PAM: variants seen among roughly 807,000 people sequenced by gnomAD.
PAM encodes peptidylglycine alpha-amidating monooxygenase.
A neutral mutation model predicts 122.1 loss-of-function variants in PAM; 72 were observed. The observed-to-expected ratio is 0.59, with a 90% CI of 0.49 to 0.72. The LOEUF is 0.72. Among genes scored for constraint, PAM ranks in the 30% least tolerant of loss-of-function variants. The pLI is 0.00. For synonymous variants in PAM, 389 were observed against 404.4 expected (o/e 0.96, Z 0.46); for missense variants, 1,106 against 1,183.7 (o/e 0.93, Z 0.96).
At chr5:102,871,715 TATATAATACATTTATATATATTATATA>T (rs1408539702) in intron 3 of PAM, among the ~76,000 whole-genome samples, 42 of 147,046 alleles carry the variant, frequency 2.9e-4, no homozygotes, top group African/African-American at 1.0e-3. Context: ...ATATATATTA[TATATAATACATTTATATATATTATATA>T]TATATATGTA....
chr5:103,007,367 T>C (rs1779348513), intron 19 of PAM, 90 bp from the exon 20 acceptor site: 1 of 1,033,452 alleles, frequency 9.7e-7, no homozygotes. Context: ...CATTTAATGG[T>C]TTACTATCAT....
At chr5:102,779,910 T>C (rs1329045849) in intron 1 of PAM, among the ~76,000 whole-genome samples, 39 of 103,914 alleles carry the variant, frequency 3.8e-4, no homozygotes, top group African/African-American at 1.4e-3. Flanking sequence ...TATATATATA[T>C]ATATATATAC....
chr5:102,997,845 T>C (rs929981534), intron 16 of PAM, among the ~76,000 whole-genome samples: 1 of 152,202 alleles, frequency 6.6e-6, no homozygotes, highest in African/African-American at 2.4e-5. Flanking sequence ...ATGCCATTGA[T>C]AGAGGATGTT....
rs548235082 is a variant in PAM, at chr5:102,979,156, A to T, written c.1483+4720A>T. ...ATCTCAGGCTACAATTGTAATAACT[A>T]TAGGTATTATAGGTGTATTGGTCAT... On this transcript the variant is annotated intron_variant, in intron 15 of 25. Transcript: ENST00000438793. 5.9e-5 allele frequency among the ~76,000 whole-genome samples: 9 copies of T among 152,186 alleles called. No individual in the cohort carries two copies. In the East Asian group the frequency reaches 1.7e-3, roughly 29 times the overall value.
At chr5:102,925,392 G>T (rs1162810886) in intron 6 of PAM, among the ~76,000 whole-genome samples, 1 of 152,186 alleles carries the variant, frequency 6.6e-6, no homozygotes. Flanking sequence ...TTTCAGCAAA[G>T]AATTTTTTAC....
intron 4 of PAM, among the ~76,000 whole-genome samples, chr5:102,909,151 C>T (rs1307751048): frequency 6.6e-6 from 1 of 151,670 alleles, no homozygotes; most frequent in African/African-American, 2.4e-5. Context: ...TCCCAATTCT[C>T]TCAATATTAA....
intron 1 of PAM, among the ~76,000 whole-genome samples, chr5:102,834,113 T>C (rs537444439): frequency 1.5e-4 from 23 of 152,326 alleles, no homozygotes; most frequent in African/African-American, 5.3e-4. Context: ...TGTTGGAACT[T>C]GCCTGAATTT....
At chr5:103,010,412 A>C (rs1780258340) in intron 21 of PAM, among the ~76,000 whole-genome samples, 1 of 152,198 alleles carries the variant, frequency 6.6e-6, no homozygotes, top group Non-Finnish European at 1.5e-5. Flanking sequence ...CCCACTGTTT[A>C]TTCTAACGTG....
chr5:102,858,369 C>T (rs541427431), intron 1 of PAM, among the ~76,000 whole-genome samples: 5 of 152,174 alleles, frequency 3.3e-5, no homozygotes, highest in African/African-American at 1.2e-4. Flanking sequence ...TTTTGATTGC[C>T]ATAACTGAGG....
In PAM at chr5:102,955,040, T is replaced by G. The variant is rs111249172; in HGVS notation, c.905+4220T>G. Among the ~76,000 whole-genome samples, 908 of 152,262 alleles carry G rather than the reference T, an allele frequency of 6.0e-3. 6 individuals are homozygous for G. Among genetic ancestry groups the G allele is most frequent in the African/African-American group, 0.021 (867 of 41,572 alleles). The stretch of plus-strand genomic sequence containing the variant: ...CTTTTTAAGAAATGATTAACAGTTT[T>G]GTAAAATGACTTCTTTGAAGTTTTT... On this transcript the variant is annotated intron_variant, in intron 12 of 25. Transcript: ENST00000438793.
chr5:102,780,039 T>A (rs1222514924), intron 1 of PAM, among the ~76,000 whole-genome samples: 1 of 151,542 alleles, frequency 6.6e-6, no homozygotes, highest in East Asian at 1.9e-4. Context: ...AAATAATTTA[T>A]AAGTTTTTAA....
intron 3 of PAM, among the ~76,000 whole-genome samples, chr5:102,890,832 A>G (rs1441514380): frequency 6.6e-6 from 1 of 151,948 alleles, no homozygotes; most frequent in Non-Finnish European, 1.5e-5. Flanking sequence ...AACTTATGAC[A>G]GGTAAAAACA....
At chr5:102,820,397 CTG>C (rs1023722785) in intron 1 of PAM, among the ~76,000 whole-genome samples, 64 of 152,134 alleles carry the variant, frequency 4.2e-4, no homozygotes, top group African/African-American at 1.5e-3. Context: ...ATTTTTATAA[CTG>C]TTAGATTATG....
intron 1 of PAM, among the ~76,000 whole-genome samples, chr5:102,819,891 G>T (rs1348406326): frequency 6.6e-6 from 1 of 152,142 alleles, no homozygotes; most frequent in African/African-American, 2.4e-5. Flanking sequence ...ACTCCTCTCT[G>T]CTGAACACAT....
At chr5:102,817,907 C>T (rs1770414682) in intron 1 of PAM, among the ~76,000 whole-genome samples, 1 of 151,618 alleles carries the variant, frequency 6.6e-6, no homozygotes, top group African/African-American at 2.4e-5. Flanking sequence ...TTTAATTGCT[C>T]CTCCCCCTTC....
At chr5:102,963,265 C>G (rs901349004) in intron 14 of PAM, among the ~76,000 whole-genome samples, 2 of 151,932 alleles carry the variant, frequency 1.3e-5, no homozygotes, top group Non-Finnish European at 2.9e-5. Flanking sequence ...ATGTGATGCA[C>G]TAATGAGATT....
rs114211163 is a variant in PAM at position 102,763,090 on chromosome 5, A to G, written c.-374+7742A>G. ...AGTCATAACTACCTGGTGTCAGTAA[A>G]TTATTTGAACTAGTTCTTGTCTAGT... is the stretch of plus-strand genomic sequence containing the variant. On this transcript the variant is annotated intron_variant, in intron 1 of 25. Coordinates refer to ENST00000438793, the MANE Select transcript of PAM (RefSeq NM_001177306.2). 2.6e-5 allele frequency among the ~76,000 whole-genome samples: 4 copies of G among 152,308 alleles called. No individual in the cohort carries two copies. The South Asian group carries it at 6.2e-4, about 24-fold the overall frequency.
At chr5:102,782,344 C>T (rs2149880667) in intron 1 of PAM, among the ~76,000 whole-genome samples, 1 of 152,306 alleles carries the variant, frequency 6.6e-6, no homozygotes, top group East Asian at 1.9e-4. Flanking sequence ...TATACAAAGT[C>T]ATCTTCCTTG....
At chr5:102,928,635 T>A (rs1168495744) in intron 7 of PAM, among the ~76,000 whole-genome samples, 5 of 152,056 alleles carry the variant, frequency 3.3e-5, no homozygotes, top group Middle Eastern at 3.2e-3. Flanking sequence ...AGTAAAAACA[T>A]GGGAAAATAT....
Sources: gnomAD v4.1 joint callset for allele counts (sites outside exome capture counted in the v4.1 genomes callset) on GRCh38, gnomAD v4.1.1 for gene constraint, MANE v1.5 for transcripts, NCBI Gene and HGNC (gene_info 2026-07-23, HGNC 2026-07-21) for gene names.